The following SLC4A4 variants were observed in gnomAD, a reference collection of about 807,000 sequenced individuals.
SLC4A4 encodes electrogenic sodium bicarbonate cotransporter 1.
In SLC4A4, 27 loss-of-function variants were observed where a neutral mutation model predicts 111.5. The ratio of observed to expected loss-of-function variants is 0.24; its 90% CI spans 0.18 to 0.33. SLC4A4 has a LOEUF of 0.33. Among genes scored for constraint, SLC4A4 ranks in the 10% least tolerant of loss-of-function variants. SLC4A4 has a pLI of 1.00. For missense variants in SLC4A4, 909 were observed against 1,315.5 expected, an observed-to-expected ratio of 0.69 and a Z score of 4.78; for synonymous variants, 443 against 463.4, an observed-to-expected ratio of 0.96 and a Z score of 0.57.
At chr4:71,410,471 C>G (rs1027123868) in intron 7 of SLC4A4, among the ~76,000 whole-genome samples, 1 of 152,122 alleles carries the variant, frequency 6.6e-6, no homozygotes, top group Non-Finnish European at 1.5e-5. Context: ...CCCTGTAACC[C>G]CTTTGTTTTG....
intron 24 of SLC4A4, among the ~76,000 whole-genome samples, chr4:71,565,349 A>G (rs1737373654): frequency 2.0e-5 from 3 of 151,694 alleles, no homozygotes; most frequent in Admixed American, 2.0e-4. Context: ...AGAGGGACCG[A>G]TGGTCTTTTT....
chr4:71,365,090 G>T (rs969084805), intron 6 of SLC4A4, among the ~76,000 whole-genome samples: 1 of 152,136 alleles, frequency 6.6e-6, no homozygotes, highest in Admixed American at 6.5e-5. Context: ...GAAATAATAT[G>T]TGTACAGCAA....
At chr4:71,065,515 G>T (rs958525695) in intron 1 of SLC4A4, among the ~76,000 whole-genome samples, 1 of 152,224 alleles carries the variant, frequency 6.6e-6, no homozygotes, top group Admixed American at 6.5e-5. Flanking sequence ...ATTGCTATTT[G>T]TCGATGAAAG....
At chr4:71,321,240 C>T in intron 3 of SLC4A4, among the ~76,000 whole-genome samples, 1 of 151,906 alleles carries the variant, frequency 6.6e-6, no homozygotes, top group East Asian at 1.9e-4. Context: ...AAATTATGAA[C>T]CTCTGCGTTA....
chr4:71,332,199 C>T (rs1216075403), intron 3 of SLC4A4, among the ~76,000 whole-genome samples: 2 of 151,606 alleles, frequency 1.3e-5, no homozygotes, highest in Non-Finnish European at 2.9e-5. Flanking sequence ...ATTTTTCTTC[C>T]TTTACTAATT....
intron 2 of SLC4A4, among the ~76,000 whole-genome samples, chr4:71,102,125 C>T (rs1742759335): frequency 6.6e-6 from 1 of 152,036 alleles, no homozygotes; most frequent in Admixed American, 6.6e-5. Context: ...GTGAAGAATG[C>T]AGAAGCCTCA....
intron 2 of SLC4A4, among the ~76,000 whole-genome samples, chr4:71,129,078 C>T (rs571819903): frequency 6.6e-6 from 1 of 152,062 alleles, no homozygotes; most frequent in Non-Finnish European, 1.5e-5. Flanking sequence ...AAGAAGATGC[C>T]AAAAGCAAGT....
At chr4:71,359,202 T>C (rs897823075) in intron 6 of SLC4A4, among the ~76,000 whole-genome samples, 1 of 152,228 alleles carries the variant, frequency 6.6e-6, no homozygotes, top group Non-Finnish European at 1.5e-5. Context: ...TCATCCTATC[T>C]GTAGATCTCT....
intron 18 of SLC4A4, among the ~76,000 whole-genome samples, chr4:71,543,967 T>C (rs1735291230): frequency 6.6e-6 from 1 of 152,084 alleles, no homozygotes; most frequent in Non-Finnish European, 1.5e-5. Flanking sequence ...CTATTTTTCC[T>C]TTTCTAAAAA....
intron 17 of SLC4A4, among the ~76,000 whole-genome samples, chr4:71,533,677 C>T (rs1481183944): frequency 6.6e-6 from 1 of 151,626 alleles, no homozygotes; most frequent in Non-Finnish European, 1.5e-5. Flanking sequence ...AGAATTTTTA[C>T]ATTAGTTCAC....
intron 20 of SLC4A4, among the ~76,000 whole-genome samples, chr4:71,552,053 G>GT (rs1357403626): frequency 4.6e-5 from 7 of 151,850 alleles, no homozygotes; most frequent in Non-Finnish European, 1.0e-4. Flanking sequence ...ACCAAGGAGA[G>GT]TTCTGCTGGG....
chr4:71,224,578 G>T (rs1222872249), intron 1 of SLC4A4, among the ~76,000 whole-genome samples: 1 of 152,152 alleles, frequency 6.6e-6, no homozygotes, highest in East Asian at 1.9e-4. Context: ...AATAATATTT[G>T]TAAAGCAATT....
intron 16 of SLC4A4, among the ~76,000 whole-genome samples, chr4:71,513,293 C>T (rs1732090139): frequency 6.6e-6 from 1 of 151,894 alleles, no homozygotes; most frequent in Non-Finnish European, 1.5e-5. Context: ...CTATTTGTGG[C>T]CTCTTCATTT....
chr4:71,174,125 C>G (rs568510787), intron 2 of SLC4A4, among the ~76,000 whole-genome samples: 7 of 152,104 alleles, frequency 4.6e-5, no homozygotes, highest in Non-Finnish European at 1.0e-4. Flanking sequence ...AAAAGTACAA[C>G]AGCTATGAAC....
At chr4:71,536,276 G>A (rs1734412800) in intron 18 of SLC4A4, among the ~76,000 whole-genome samples, 1 of 150,144 alleles carries the variant, frequency 6.7e-6, no homozygotes. Context: ...GGTGAGGGGG[G>A]AATTCTCCTT....
intron 2 of SLC4A4, among the ~76,000 whole-genome samples, chr4:71,174,309 G>A (rs62302429): frequency 2.4e-3 from 358 of 151,314 alleles, no homozygotes; most frequent in Non-Finnish European, 4.3e-3. Flanking sequence ...GAGCACAGAG[G>A]TATGATCTCA....
chr4:71,147,785 C>T (rs1000162261), intron 2 of SLC4A4, among the ~76,000 whole-genome samples: 1 of 151,996 alleles, frequency 6.6e-6, no homozygotes, highest in Non-Finnish European at 1.5e-5. Flanking sequence ...GCATTGTTGC[C>T]AGAAAAATAG....
At chr4:71,270,361 A>T (rs1722617990) in intron 3 of SLC4A4, among the ~76,000 whole-genome samples, 1 of 152,150 alleles carries the variant, frequency 6.6e-6, no homozygotes, top group African/African-American at 2.4e-5. Context: ...AAGTGCTGGG[A>T]TTACAGGCAT....
chr4:71,495,956 C>T (rs550412091), intron 15 of SLC4A4, among the ~76,000 whole-genome samples: 1 of 152,074 alleles, frequency 6.6e-6, no homozygotes, highest in Admixed American at 6.5e-5. Context: ...CAGGAAAGAG[C>T]CAGATTGTCA....
Sources: gnomAD v4.1 joint callset for allele counts (sites outside exome capture counted in the v4.1 genomes callset) on GRCh38, gnomAD v4.1.1 for gene constraint, MANE v1.5 for transcripts, NCBI Gene and HGNC (gene_info 2026-07-23, HGNC 2026-07-21) for gene names.